The following NRCAM variants were observed in gnomAD, a reference collection of about 807,000 sequenced individuals.
The protein encoded by NRCAM is NgCAM-related cell adhesion molecule.
A neutral mutation model predicts 156.5 loss-of-function variants in NRCAM; 83 were observed. That is an observed-to-expected ratio of 0.53 (90% CI 0.44 to 0.64). The LOEUF is 0.64. Ranked by LOEUF, NRCAM falls within the 30% of genes least tolerant of loss-of-function variation. The probability of loss-of-function intolerance (pLI) is 0.00; values close to 1 mark genes in which losing one functional copy is unlikely to be tolerated. For missense variants in NRCAM, 1,417 were observed against 1,597.3 expected, an observed-to-expected ratio of 0.89 and a Z score of 1.92; for synonymous variants, 538 against 563.9, an observed-to-expected ratio of 0.95 and a Z score of 0.65.
intron 32 of NRCAM, among the ~76,000 whole-genome samples, chr7:108,153,278 C>T (rs1257816031): frequency 6.6e-6 from 1 of 151,950 alleles, no homozygotes; most frequent in Non-Finnish European, 1.5e-5. Context: ...TCCAAGAATG[C>T]AGGCTTATTT....
Position 108,353,749 on chromosome 7 carries a change from A to T in NRCAM, c.-173-41018T>A, listed in dbSNP as rs568143954. On this transcript the variant is annotated intron_variant, in intron 2 of 32. Transcript: ENST00000379028. ...TAGAACACATGGCAGGTGTACAATTATTTGTTGAAAGAATAAATGAATACA... is the reference window on the plus strand; with the variant it reads ...TAGAACACATGGCAGGTGTACAATTTTTTGTTGAAAGAATAAATGAATACA... Among the ~76,000 whole-genome samples, 15 of 152,338 alleles carry T rather than the reference A, an allele frequency of 9.8e-5. No individual in the cohort carries two copies. In the East Asian group the frequency reaches 2.9e-3, roughly 29 times the overall value.
At chr7:108,299,116 A>AAAAAAAAAAAAAGGAAAG (rs1486440805) in intron 3 of NRCAM, among the ~76,000 whole-genome samples, 3 of 93,890 alleles carry the variant, frequency 3.2e-5, no homozygotes, top group Non-Finnish European at 6.7e-5. Flanking sequence ...AAAAAAAAAA[A>AAAAAAAAAAAAAGGAAAG]AGAAAGAAAG....
intron 3 of NRCAM, among the ~76,000 whole-genome samples, chr7:108,243,407 G>A (rs2095671644): frequency 6.6e-6 from 1 of 152,148 alleles, no homozygotes; most frequent in Non-Finnish European, 1.5e-5. Flanking sequence ...AAAAACCACC[G>A]CTTTGCACTC....
intron 26 of NRCAM, 42 bp downstream of exon 26, chr7:108,177,948 T>C (rs1419737102): frequency 1.3e-6 from 2 of 1,548,566 alleles, no homozygotes; most frequent in African/African-American, 1.4e-5. Flanking sequence ...ATAAATAAAA[T>C]AAAAAAACAT....
At chr7:108,247,622 A>T (rs2096043585) in intron 3 of NRCAM, among the ~76,000 whole-genome samples, 1 of 149,906 alleles carries the variant, frequency 6.7e-6, no homozygotes, top group South Asian at 2.1e-4. Context: ...TTATTTTAGC[A>T]TAATTGTAAA....
At chr7:108,315,540 TCC>T (rs1422159361) in intron 2 of NRCAM, among the ~76,000 whole-genome samples, 1 of 152,188 alleles carries the variant, frequency 6.6e-6, no homozygotes, top group East Asian at 1.9e-4. Flanking sequence ...AAGCATGTTC[TCC>T]AACTACAGCT....
chr7:108,324,583 C>G (rs1018167345), intron 2 of NRCAM, among the ~76,000 whole-genome samples: 25 of 152,186 alleles, frequency 1.6e-4, no homozygotes, highest in African/African-American at 5.8e-4. Flanking sequence ...TTTTCTTCAA[C>G]AGGCTCTGCA....
At chr7:108,412,280 G>A (rs575742487) in intron 1 of NRCAM, among the ~76,000 whole-genome samples, 11 of 150,996 alleles carry the variant, frequency 7.3e-5, no homozygotes, top group Non-Finnish European at 1.3e-4. Context: ...CCCAAAAAAC[G>A]ATGAAGCTAA....
chr7:108,181,914 C>G lies in NRCAM; in HGVS notation c.2554G>C (p.Val852Leu), dbSNP rs780247014. 1 of 1,613,878 alleles carries G rather than the reference C, an allele frequency of 6.2e-7. No individual in the cohort carries two copies. Among genetic ancestry groups the G allele is most frequent in the African/African-American group, 1.3e-5 (1 of 74,880 alleles). ...GTACTGTTCACCACATTCACACGCA[C>G]GTTCCCAGGAGCCACCATTGGGACT... is the stretch of plus-strand genomic sequence containing the variant. Reference protein sequence around the residue: ...EDLPMVAPGNVRVNVVNSTLA... With the variant: ...EDLPMVAPGNLRVNVVNSTLA... Residue 852 changes from valine to leucine, a missense_variant, in exon 24 of 33, where the codon GTG becomes CTG. Physicochemically the swap from Val to Leu is conservative, Grantham distance 32. This residue lies in a region of NRCAM where 1,238 missense variants were observed against 1,336.4 expected (regional missense o/e 0.93). Transcript: ENST00000379028.
chr7:108,200,591 G>A (rs147678785), intron 13 of NRCAM, among the ~76,000 whole-genome samples: 9 of 152,272 alleles, frequency 5.9e-5, no homozygotes, highest in Admixed American at 2.0e-4. Flanking sequence ...CATTTCTGGA[G>A]ACTTGTTCTC....
intron 3 of NRCAM, among the ~76,000 whole-genome samples, chr7:108,290,783 T>C (rs1328780994): frequency 6.6e-6 from 1 of 152,236 alleles, no homozygotes; most frequent in East Asian, 1.9e-4. Flanking sequence ...TTCAGCATTA[T>C]GTACTATCAT....
intron 3 of NRCAM, among the ~76,000 whole-genome samples, chr7:108,279,436 T>C (rs1025076048): frequency 2.6e-5 from 4 of 152,154 alleles, no homozygotes; most frequent in Non-Finnish European, 5.9e-5. Flanking sequence ...AAAATATATA[T>C]TTTCTATCTG....
At chr7:108,229,035 GTA>G (rs1470429687) in intron 8 of NRCAM, among the ~76,000 whole-genome samples, 6 of 152,230 alleles carry the variant, frequency 3.9e-5, no homozygotes, top group Middle Eastern at 3.4e-3. Context: ...CTTTAGTAAT[GTA>G]TATGTCTTGT....
chr7:108,166,886 A>G, intron 30 of NRCAM, 35 bp downstream of exon 30: 1 of 1,606,740 alleles, frequency 6.2e-7, no homozygotes, highest in Non-Finnish European at 8.5e-7. Context: ...TCCACCTCTG[A>G]GCGGGAGCCA....
At chr7:108,306,914 C>T (rs1460151866) in intron 3 of NRCAM, among the ~76,000 whole-genome samples, 1 of 152,104 alleles carries the variant, frequency 6.6e-6, no homozygotes, top group Non-Finnish European at 1.5e-5. Flanking sequence ...AGTTTTATTT[C>T]TTTACAAAAC....
intron 2 of NRCAM, among the ~76,000 whole-genome samples, chr7:108,315,133 T>C (rs1233585633): frequency 1.3e-5 from 2 of 152,180 alleles, no homozygotes; most frequent in East Asian, 1.9e-4. Context: ...TGCACAAGTA[T>C]GTATTTGTGC....
At chr7:108,297,918 T>A (rs1158197495) in intron 3 of NRCAM, among the ~76,000 whole-genome samples, 1 of 152,108 alleles carries the variant, frequency 6.6e-6, no homozygotes, top group African/African-American at 2.4e-5. Flanking sequence ...TATGGGGATA[T>A]GTGCAGGAAG....
At chr7:108,309,382 T>G (rs1185039296) in intron 3 of NRCAM, among the ~76,000 whole-genome samples, 2 of 152,210 alleles carry the variant, frequency 1.3e-5, no homozygotes. Context: ...GTCTTGGTTT[T>G]TATAAGTTCT....
At position 108,284,544 on chromosome 7, in the gene NRCAM, CATAAGGTCCCTT is replaced by C. The variant is rs554483681; in HGVS notation, c.-107+28109_-107+28120del. ...TAATGTTCAGACTTCCTACTTGGCA[CATAAGGTCCCTT>C]ATGATTTGACACTTGCTCACTTCTG... On this transcript the variant is annotated intron_variant, in intron 3 of 32. Transcript: ENST00000379028. 9.7e-4 allele frequency among the ~76,000 whole-genome samples: 148 copies of C among 152,252 alleles called. 3 individuals carry two copies. In the South Asian group the frequency reaches 0.029, roughly 29 times the overall value.
Sources: allele counts gnomAD v4.1 joint callset (sites outside exome capture counted in the v4.1 genomes callset), GRCh38; gene constraint gnomAD v4.1.1; regional missense constraint gnomAD v4.1.1; transcripts MANE v1.5; gene names NCBI Gene and HGNC (gene_info 2026-07-23, HGNC 2026-07-21).